Variants in PGCKA1 observed in about 807,000 individuals in gnomAD.
The protein encoded by PGCKA1 is PDCD10 and GCKIII kinases-associated protein 1.
At chr4:37,465,739 C>T in the PGCKA1 span, among the ~76,000 whole-genome samples, 1 of 152,110 alleles carries the variant, frequency 6.6e-6, no homozygotes, top group African/African-American at 2.4e-5. Context: ...CACTTGGTCT[C>T]GGGTTCGATT....
chr4:37,555,666 G>A, the PGCKA1 span, among the ~76,000 whole-genome samples: 65,240 of 151,868 alleles, frequency 0.43, 14,529 homozygotes, highest in African/African-American at 0.52. Context: ...GTCAAGATAA[G>A]GATCCAGTTT....
the PGCKA1 span, among the ~76,000 whole-genome samples, chr4:37,499,889 G>A: frequency 1.7e-5 from 2 of 118,770 alleles, no homozygotes; most frequent in African/African-American, 6.3e-5. Context: ...CAGTTGTGAT[G>A]TTAAGTTGTT....
the PGCKA1 span, among the ~76,000 whole-genome samples, chr4:37,492,437 G>A: frequency 6.6e-6 from 1 of 152,340 alleles, no homozygotes; most frequent in African/African-American, 2.4e-5. The surrounding 1 kb of genome is among the most constrained non-coding windows in gnomAD (Gnocchi z 4.7). Flanking sequence ...GGCTGAGCCA[G>A]TTGTTAGGGA....
chr4:37,537,674 T>C, the PGCKA1 span, among the ~76,000 whole-genome samples: 2 of 152,168 alleles, frequency 1.3e-5, no homozygotes, highest in Admixed American at 6.5e-5. Flanking sequence ...GAAGTCCAAG[T>C]TATTCAACTT....
chr4:37,563,458 G>A, the PGCKA1 span, among the ~76,000 whole-genome samples: 1 of 114,442 alleles, frequency 8.7e-6, no homozygotes, highest in Non-Finnish European at 2.0e-5. Context: ...TTGCTCAGGA[G>A]GGAGTGCTCT....
At chr4:37,571,902 G>C in the PGCKA1 span, among the ~76,000 whole-genome samples, 2 of 151,990 alleles carry the variant, frequency 1.3e-5, no homozygotes, top group Non-Finnish European at 2.9e-5. Context: ...AAAGTGCTGG[G>C]ATTACTGACG....
the PGCKA1 span, among the ~76,000 whole-genome samples, chr4:37,543,266 A>G: frequency 1.3e-5 from 2 of 152,158 alleles, no homozygotes; most frequent in Non-Finnish European, 2.9e-5. Flanking sequence ...CAGCCCTACC[A>G]TACATAAGGA....
the PGCKA1 span, among the ~76,000 whole-genome samples, chr4:37,548,116 T>G: frequency 6.6e-6 from 1 of 152,050 alleles, no homozygotes; most frequent in African/African-American, 2.4e-5. Flanking sequence ...AAACTACTTG[T>G]AATAAGTCAG....
At chr4:37,499,526 A>G in the PGCKA1 span, among the ~76,000 whole-genome samples, 1 of 152,132 alleles carries the variant, frequency 6.6e-6, no homozygotes, top group Non-Finnish European at 1.5e-5. Context: ...TTCCTGGTTC[A>G]GTCTTGAGAG....
chr4:37,570,727 A>G, the PGCKA1 span, among the ~76,000 whole-genome samples: 2 of 152,224 alleles, frequency 1.3e-5, no homozygotes, highest in African/African-American at 2.4e-5. Context: ...ATTCTATTGT[A>G]TCTCCTCCCT....
the PGCKA1 span, among the ~76,000 whole-genome samples, chr4:37,487,450 T>G: frequency 1.3e-5 from 2 of 152,216 alleles, no homozygotes; most frequent in Non-Finnish European, 1.5e-5. Context: ...CAATATGCAT[T>G]GCATTAACTG....
chr4:37,567,673 T>TCACA, the PGCKA1 span, among the ~76,000 whole-genome samples: 2 of 151,302 alleles, frequency 1.3e-5, no homozygotes, highest in African/African-American at 4.9e-5. Context: ...TCTTTCTCTC[T>TCACA]CACACACACA....
the PGCKA1 span, among the ~76,000 whole-genome samples, chr4:37,581,740 CA>C: frequency 6.6e-6 from 1 of 152,282 alleles, no homozygotes; most frequent in South Asian, 2.1e-4. This position sits in a 1 kb window ranked among gnomAD's most constrained non-coding sequence, Gnocchi z 4.4. Flanking sequence ...CTCCCTTAGC[CA>C]CTCTGGTGTC....
At chr4:37,591,022 G>C in the PGCKA1 span, 1 of 1,573,846 alleles carries the variant, frequency 6.4e-7, no homozygotes, top group Non-Finnish European at 8.6e-7. Flanking sequence ...TGCACAGGGA[G>C]GTAAGCTGGT....
chr4:37,520,718 C>T, the PGCKA1 span, among the ~76,000 whole-genome samples: 77 of 152,198 alleles, frequency 5.1e-4, no homozygotes, highest in Non-Finnish European at 9.0e-4. Flanking sequence ...CCTGGCTTCC[C>T]GCCATTCTCC....
the PGCKA1 span, among the ~76,000 whole-genome samples, chr4:37,570,663 A>G: frequency 6.6e-6 from 1 of 152,190 alleles, no homozygotes; most frequent in Non-Finnish European, 1.5e-5. Flanking sequence ...GTTATGTGAA[A>G]TCTCAAGCTG....
At chr4:37,537,568 G>A in the PGCKA1 span, among the ~76,000 whole-genome samples, 961 of 152,274 alleles carry the variant, frequency 6.3e-3, 13 homozygotes, top group African/African-American at 0.022. Context: ...AAAGATACAT[G>A]AAGAACATTA....
chr4:37,563,095 G>A, the PGCKA1 span, among the ~76,000 whole-genome samples: 4 of 152,102 alleles, frequency 2.6e-5, no homozygotes, highest in Admixed American at 2.6e-4. Flanking sequence ...CTTGTCTTCC[G>A]ACCAGTTCTT....
the PGCKA1 span, among the ~76,000 whole-genome samples, chr4:37,547,985 A>C: frequency 6.7e-6 from 1 of 150,090 alleles, no homozygotes; most frequent in Non-Finnish European, 1.5e-5. Context: ...TTAAAAAAAA[A>C]AAAAATGGTT....
Sources: gnomAD v4.1 joint callset for allele counts (sites outside exome capture counted in the v4.1 genomes callset) on GRCh38, gnomAD v4.1.1 for gene constraint, Gnocchi (gnomAD v3.1) non-coding constraint, MANE v1.5 for transcripts, NCBI Gene and HGNC (gene_info 2026-07-23, HGNC 2026-07-21) for gene names.